The following SRGAP1 variants were observed in gnomAD, a reference collection of about 807,000 sequenced individuals.
The protein encoded by SRGAP1 is SLIT-ROBO Rho GTPase-activating protein 1.
In SRGAP1, 43 loss-of-function variants were observed where a neutral mutation model predicts 121.9. The ratio of observed to expected loss-of-function variants is 0.35; its 90% confidence interval spans 0.28 to 0.46. SRGAP1 has a LOEUF of 0.46. Among genes scored for constraint, SRGAP1 ranks in the 20% least tolerant of loss-of-function variants. The pLI is 1.00. For synonymous variants in SRGAP1, 447 were observed against 485.4 expected, an observed-to-expected ratio of 0.92 and a Z score of 1.04; for missense variants, 1,102 against 1,350.9, an observed-to-expected ratio of 0.82 and a Z score of 2.89.
chr12:63,942,802 T>G (rs1354984294), intron 1 of SRGAP1, among the ~76,000 whole-genome samples: 1 of 152,224 alleles, frequency 6.6e-6, no homozygotes, highest in Non-Finnish European at 1.5e-5. Flanking sequence ...TTTCTTTTGT[T>G]TAGCAATAAC....
chr12:63,934,343 A>G (rs1264924334), intron 1 of SRGAP1, among the ~76,000 whole-genome samples: 2 of 152,066 alleles, frequency 1.3e-5, no homozygotes, highest in African/African-American at 2.4e-5. Flanking sequence ...AGTCAGTCCC[A>G]TTGGGTTGGC....
At chr12:64,100,393 G>A (rs1186567065) in intron 15 of SRGAP1, among the ~76,000 whole-genome samples, 1 of 152,128 alleles carries the variant, frequency 6.6e-6, no homozygotes, top group African/African-American at 2.4e-5. Flanking sequence ...TAGCAAATAT[G>A]TAAACTACAA....
At chr12:63,969,620 C>T (rs371394111) in intron 1 of SRGAP1, among the ~76,000 whole-genome samples, 57 of 151,990 alleles carry the variant, frequency 3.8e-4, no homozygotes, top group African/African-American at 1.2e-3. Flanking sequence ...AGTGAAACCC[C>T]GTCTCTATTA....
At chr12:64,042,307 T>G (rs1033879361) in intron 4 of SRGAP1, among the ~76,000 whole-genome samples, 1 of 152,196 alleles carries the variant, frequency 6.6e-6, no homozygotes, top group Admixed American at 6.5e-5. Context: ...AAACAATGTT[T>G]TTTCAACTAA....
intron 18 of SRGAP1, among the ~76,000 whole-genome samples, chr12:64,117,549 A>C (rs1346404815): frequency 6.6e-6 from 1 of 152,172 alleles, no homozygotes; most frequent in East Asian, 1.9e-4. Context: ...TGGTAATTTT[A>C]CTTCGCATCT....
At position 64,128,145 on chromosome 12, in the gene SRGAP1, G is replaced by A. The variant is rs775906373; in HGVS notation, c.2825G>A (p.Gly942Glu). 2.8e-5 allele frequency: 45 copies of A among 1,613,974 alleles called. 1 individual carries two copies. In the South Asian group the frequency reaches 4.8e-4, roughly 17 times the overall value. The change falls in exon 21 of 22, where the codon GGG becomes GAG. Residue 942 changes from glycine to glutamate, a missense_variant. This residue lies in a region of SRGAP1 where 315 missense variants were observed against 343.1 expected (regional missense o/e 0.92). Transcript: ENST00000355086. Reference sequence around the variant, plus strand: ...CCCATTAGAAGGTCCACGTCATCAGGGCAATACACGGGCTTCAATGACCAC... The same window carrying A: ...CCCATTAGAAGGTCCACGTCATCAGAGCAATACACGGGCTTCAATGACCAC... ...SPPIRRSTSS[G>E]QYTGFNDHKP...
Position 64,101,308 on chromosome 12 carries a change from GGTGT to G in SRGAP1, c.1813+3973_1813+3976del, listed in dbSNP as rs59020353. ...TATTTTTGGATTGTTTGGGGAAAGG[GGTGT>G]GTGTGTGTGTGTGTGTGTGTGTGTG... On this transcript the variant is annotated intron_variant, in intron 15 of 21. Coordinates refer to ENST00000355086, the MANE Select transcript of SRGAP1 (RefSeq NM_020762.4). Among the ~76,000 whole-genome samples, 1,146 of 138,072 alleles carry G rather than the reference GGTGT, an allele frequency of 8.3e-3. 7 individuals carry two copies. Among genetic ancestry groups the G allele is most frequent in the East Asian group, 0.015 (68 of 4,554 alleles). 90.6% of individuals were successfully genotyped at this position (138,072 alleles called of 152,430 possible).
intron 1 of SRGAP1, among the ~76,000 whole-genome samples, chr12:63,914,734 A>C (rs2030702326): frequency 6.6e-6 from 1 of 151,956 alleles, no homozygotes; most frequent in Admixed American, 6.6e-5. Context: ...AAAACCCTAC[A>C]AGTTTCTGTC....
intron 1 of SRGAP1, among the ~76,000 whole-genome samples, chr12:63,858,761 A>G (rs978469334): frequency 3.1e-4 from 47 of 152,038 alleles, no homozygotes; most frequent in Non-Finnish European, 6.6e-4. Flanking sequence ...CTGGAGTGCA[A>G]TGGCGCAATC....
At chr12:63,907,006 G>A (rs988908765) in intron 1 of SRGAP1, among the ~76,000 whole-genome samples, 4 of 151,924 alleles carry the variant, frequency 2.6e-5, no homozygotes, top group Non-Finnish European at 4.4e-5. Context: ...CACAAATTGT[G>A]CCTCGTTTTG....
chr12:64,024,247 G>A lies in SRGAP1; in HGVS notation c.489+7235G>A, dbSNP rs578039351. On this transcript the variant is annotated intron_variant, in intron 4 of 21. Transcript: ENST00000355086. The stretch of plus-strand genomic sequence containing the variant: ...AGTTCAAGACCAGCCTGGGCAACAT[G>A]GCAAAAACCTGTCTCTCCTAAAAAA... Among the ~76,000 whole-genome samples the A allele has an allele frequency of 1.1e-3, 166 of 152,116 alleles. 2 individuals are homozygous for A. Among genetic ancestry groups the A allele is most frequent in the African/African-American group, 3.4e-3 (143 of 41,490 alleles).
chr12:64,096,504 G>A (rs2036157207), intron 14 of SRGAP1, among the ~76,000 whole-genome samples: 1 of 152,100 alleles, frequency 6.6e-6, no homozygotes, highest in Admixed American at 6.5e-5. Flanking sequence ...AACCAGACTT[G>A]TTGCCTAATA....
rs112987985 is a variant in SRGAP1 at position 64,100,436 on chromosome 12, G to A, written c.1813+3061G>A. 6.1e-3 allele frequency among the ~76,000 whole-genome samples: 931 copies of A among 152,224 alleles called. 4 individuals carry two copies. The highest frequency in any genetic ancestry group is 0.011 in the Non-Finnish European group (728 of 68,020). ...ATCTATGGAGATATCTCATGTAAGGGTACCTACAGTGCTCAAGTGCAAGTG... is the reference window on the plus strand; with the variant it reads ...ATCTATGGAGATATCTCATGTAAGGATACCTACAGTGCTCAAGTGCAAGTG... On this transcript the variant is annotated intron_variant, in intron 15 of 21. Coordinates refer to ENST00000355086, the MANE Select transcript of SRGAP1 (RefSeq NM_020762.4).
chr12:63,950,064 C>A (rs141250957), intron 1 of SRGAP1, among the ~76,000 whole-genome samples: 1,844 of 152,306 alleles, frequency 0.012, 9 homozygotes, highest in Non-Finnish European at 0.016. Flanking sequence ...AGACCTCAGG[C>A]TGCCGGTTTG....
At chr12:64,050,278 C>T (rs1016208302) in intron 6 of SRGAP1, among the ~76,000 whole-genome samples, 3 of 152,136 alleles carry the variant, frequency 2.0e-5, no homozygotes, top group Non-Finnish European at 2.9e-5. Flanking sequence ...TTAGTGGCAT[C>T]ATTAGCTTTT....
At chr12:63,979,997 G>T (rs1471746778) in intron 1 of SRGAP1, among the ~76,000 whole-genome samples, 2 of 152,212 alleles carry the variant, frequency 1.3e-5, no homozygotes, top group African/African-American at 4.8e-5. Context: ...GCCGCCTGCG[G>T]CCCCATGGCA....
intron 6 of SRGAP1, among the ~76,000 whole-genome samples, chr12:64,050,466 A>G (rs572906828): frequency 3.9e-5 from 6 of 152,216 alleles, no homozygotes; most frequent in African/African-American, 1.2e-4. Flanking sequence ...CTATATATAC[A>G]CATTTTTAAA....
chr12:64,098,682 A>AT (rs558172097), intron 15 of SRGAP1, among the ~76,000 whole-genome samples: 2,303 of 151,514 alleles, frequency 0.015, 55 homozygotes, highest in African/African-American at 0.053. Context: ...AAAAAAATAA[A>AT]AAAATAAAAA....
intron 1 of SRGAP1, among the ~76,000 whole-genome samples, chr12:63,957,610 G>C (rs1034107408): frequency 6.6e-6 from 1 of 152,004 alleles, no homozygotes; most frequent in Non-Finnish European, 1.5e-5. Context: ...AATGCTGCTC[G>C]TCCCTGCCCT....
Sources: gnomAD v4.1 joint callset for allele counts (sites outside exome capture counted in the v4.1 genomes callset) on GRCh38, gnomAD v4.1.1 for gene constraint, gnomAD v4.1.1 regional missense constraint, MANE v1.5 for transcripts, NCBI Gene and HGNC (gene_info 2026-07-23, HGNC 2026-07-21) for gene names.